Variants in WNT7B observed in about 807,000 individuals in gnomAD.
The protein encoded by WNT7B is Wnt family member 7B, also known as protein Wnt-7b.
WNT7B carries 19 observed loss-of-function variants against 38.2 expected under a neutral mutation model. That is an observed-to-expected ratio of 0.50 (90% CI 0.35 to 0.73). WNT7B has a LOEUF of 0.73. WNT7B is among the 30% of genes least tolerant of loss of function. The pLI is 0.01. For missense variants in WNT7B, 423 were observed against 507.9 expected (o/e 0.83, Z 1.61); for synonymous variants, 243 against 209.3 (o/e 1.16, Z -1.39).
intron 3 of WNT7B, among the ~76,000 whole-genome samples, chr22:45,929,389 C>A (rs534825016): frequency 6.9e-6 from 1 of 145,188 alleles, no homozygotes; most frequent in African/African-American, 2.5e-5. Flanking sequence ...CCCACTCACC[C>A]ATCCATCCTT....
intron 3 of WNT7B, among the ~76,000 whole-genome samples, chr22:45,929,892 CCA>C (rs1601717739): frequency 2.0e-5 from 3 of 147,044 alleles, no homozygotes; most frequent in South Asian, 4.4e-4. Context: ...ACCCACTCAT[CCA>C]CTCATCTATC....
chr22:45,928,629 T>G (rs894998233), intron 3 of WNT7B, among the ~76,000 whole-genome samples: 1 of 149,202 alleles, frequency 6.7e-6, no homozygotes, highest in East Asian at 2.0e-4. Flanking sequence ...TTTTCCCACC[T>G]CCTGTCTCCA....
chr22:45,929,367 T>TTCACCCATCCACCCAC (rs924137964), intron 3 of WNT7B, among the ~76,000 whole-genome samples: 42 of 151,304 alleles, frequency 2.8e-4, no homozygotes, highest in South Asian at 2.1e-3. Flanking sequence ...CATCCATCTA[T>TTCACCCATCCACCCAC]TCACCCATCC....
At chr22:45,930,600 C>T (rs905381974) in intron 3 of WNT7B, among the ~76,000 whole-genome samples, 2 of 152,232 alleles carry the variant, frequency 1.3e-5, no homozygotes, top group Non-Finnish European at 2.9e-5. Flanking sequence ...CATGCAGGAG[C>T]GGCCTGCTCC....
rs9778261 is a variant in WNT7B at position 45,943,827 on chromosome 22, G to A, written c.298+6093C>T. On this transcript the variant is annotated intron_variant, in intron 2 of 3. Transcript: ENST00000339464. ...TGAAAGAAATGACCCTCCTGAAAAG[G>A]CGGCAGGAGTTGGGCTGAGTAATGG... 5.4e-3 allele frequency among the ~76,000 whole-genome samples: 823 copies of A among 152,334 alleles called. 9 individuals carry two copies. The highest frequency in any genetic ancestry group is 0.018 in the African/African-American group (735 of 41,578).
intron 1 of WNT7B, among the ~76,000 whole-genome samples, chr22:45,971,592 G>T (rs967075547): frequency 4.6e-5 from 7 of 152,234 alleles, no homozygotes; most frequent in Non-Finnish European, 8.8e-5. Context: ...GTGAGGACTC[G>T]GCAGGGGCAG....
intron 3 of WNT7B, chr22:45,926,943 T>C: frequency 2.0e-6 from 2 of 985,436 alleles, no homozygotes; most frequent in Non-Finnish European, 2.4e-6. Context: ...GGAAGGGCTG[T>C]GCCAAGACGT....
At position 45,966,488 on chromosome 22, in the gene WNT7B, C is replaced by T. The variant is rs543526695; in HGVS notation, c.71+10196G>A. On this transcript the variant is annotated intron_variant, in intron 1 of 3. Transcript: ENST00000339464. The surrounding 1 kb of genome is among the most constrained non-coding windows in gnomAD (Gnocchi z 4.2). Reference sequence around the variant, plus strand: ...CACAGTGCGGGAGGGCTCCAGAAAGCGATAGAGGCCTGCAGGGGTCATGGG... The same window carrying T: ...CACAGTGCGGGAGGGCTCCAGAAAGTGATAGAGGCCTGCAGGGGTCATGGG... Among the ~76,000 whole-genome samples, 3 of 152,304 alleles carry T rather than the reference C, an allele frequency of 2.0e-5. No individual in the cohort carries two copies. The highest frequency in any genetic ancestry group is 6.5e-5 in the Admixed American group (1 of 15,298).
At chr22:45,964,555 G>C (rs912014607) in intron 1 of WNT7B, among the ~76,000 whole-genome samples, 5 of 152,172 alleles carry the variant, frequency 3.3e-5, no homozygotes, top group African/African-American at 1.2e-4. Context: ...CCCGTCAGTG[G>C]TGAAGTCACC....
At chr22:45,925,530 C>T (rs939699162) in intron 3 of WNT7B, 2 of 985,138 alleles carry the variant, frequency 2.0e-6, no homozygotes, top group African/African-American at 3.5e-5. Flanking sequence ...GACTGCGTGT[C>T]TGGGCGACCC....
chr22:45,976,661 G>T lies in WNT7B; in HGVS notation c.71+23C>A. 6.2e-7 allele frequency: 1 copy of T among 1,602,438 alleles called. No individual in the cohort carries two copies. Among genetic ancestry groups the T allele is most frequent in the Non-Finnish European group, 8.5e-7 (1 of 1,173,808 alleles). On this transcript the variant is annotated intron_variant, in intron 1 of 3. Coordinates refer to ENST00000339464, the MANE Select transcript of WNT7B (RefSeq NM_058238.3). This position sits in a 1 kb window ranked among gnomAD's most constrained non-coding sequence, Gnocchi z 8.5. ...CGTGCTGTCTTGGCCCCTGGCTGCT[G>T]CCCTCGCCCACGGGGTACTCACCCG... is the stretch of plus-strand genomic sequence containing the variant.
chr22:45,941,737 A>G (rs1931653982), intron 2 of WNT7B, among the ~76,000 whole-genome samples: 2 of 151,930 alleles, frequency 1.3e-5, no homozygotes, highest in African/African-American at 4.8e-5. Context: ...CCCAGCCCCC[A>G]CCTCCCGGGG....
intron 2 of WNT7B, among the ~76,000 whole-genome samples, chr22:45,941,330 C>T (rs930593122): frequency 2.0e-5 from 3 of 151,966 alleles, no homozygotes; most frequent in Non-Finnish European, 4.4e-5. Flanking sequence ...GCCAACATGG[C>T]GAAACCCCGT....
intron 2 of WNT7B, among the ~76,000 whole-genome samples, chr22:45,947,531 A>AG (rs1281188134): frequency 1.3e-5 from 2 of 152,202 alleles, no homozygotes; most frequent in Admixed American, 6.5e-5. Context: ...CATGGGTCGC[A>AG]GGGAATGGAA....
intron 1 of WNT7B, chr22:45,972,034 G>GACGGTC: frequency 2.2e-6 from 1 of 451,818 alleles, no homozygotes; most frequent in Non-Finnish European, 3.9e-6. Flanking sequence ...TCCCGCGCGC[G>GACGGTC]ACGGTCACCC....
intron 2 of WNT7B, among the ~76,000 whole-genome samples, chr22:45,943,066 T>C (rs1363669508): frequency 6.7e-6 from 1 of 149,650 alleles, no homozygotes; most frequent in Admixed American, 6.6e-5. Context: ...GTGTGCAGTG[T>C]GCACATGTGT....
rs1932432025 is a variant in WNT7B at position 45,971,265 on chromosome 22, G to A, written c.71+5419C>T. On this transcript the variant is annotated intron_variant, in intron 1 of 3. Coordinates refer to ENST00000339464, the MANE Select transcript of WNT7B (RefSeq NM_058238.3). ...AGGGGGAGGGGGAAGGGAAGAGAAG[G>A]GGAGGGAGAGCAGGCTCTGAGGTTT... Among the ~76,000 whole-genome samples, 3 of 152,192 alleles carry A rather than the reference G, an allele frequency of 2.0e-5. No individual in the cohort carries two copies. In the South Asian group the frequency reaches 6.2e-4, roughly 31 times the overall value.
intron 3 of WNT7B, chr22:45,925,618 C>G: frequency 1.0e-6 from 1 of 985,326 alleles, no homozygotes; most frequent in Non-Finnish European, 1.2e-6. Context: ...CCCTGTTCAT[C>G]TCTGCTGGGA....
chr22:45,927,482 C>T, intron 3 of WNT7B: 2 of 1,550,124 alleles, frequency 1.3e-6, no homozygotes, highest in Non-Finnish European at 8.7e-7. Flanking sequence ...TGCTCAGAGC[C>T]TCGGCAAGTG....
Sources: allele counts gnomAD v4.1 joint callset (sites outside exome capture counted in the v4.1 genomes callset), GRCh38; gene constraint gnomAD v4.1.1; non-coding constraint Gnocchi (gnomAD v3.1); transcripts MANE v1.5; gene names NCBI Gene and HGNC (gene_info 2026-07-23, HGNC 2026-07-21).